Variants in HHLA2 observed in about 807,000 individuals in gnomAD.
HHLA2 encodes HERV-H LTR-associating protein 2.
HHLA2 carries 48 observed loss-of-function variants against 45.9 expected under a neutral mutation model. The observed-to-expected ratio is 1.05, with a 90% CI of 0.83 to 1.33. The LOEUF (loss-of-function observed/expected upper bound fraction) is 1.33. Among genes scored for constraint, HHLA2 ranks in the 40% most tolerant of loss-of-function variants. The probability of loss-of-function intolerance (pLI) is 0.00; values close to 1 mark genes in which losing one functional copy is unlikely to be tolerated. For synonymous variants in HHLA2, 161 were observed against 173.9 expected (o/e 0.93, Z 0.59); for missense variants, 462 against 494.3 (o/e 0.93, Z 0.62).
chr3:108,335,771 C>T (rs1362687794), intron 3 of HHLA2, among the ~76,000 whole-genome samples: 1 of 152,100 alleles, frequency 6.6e-6, no homozygotes, highest in Non-Finnish European at 1.5e-5. Context: ...TTCTGATGAG[C>T]ATCCAGATAG....
chr3:108,355,473 G>A, intron 6 of HHLA2, 92 bp downstream of exon 5: 1 of 1,426,240 alleles, frequency 7.0e-7, no homozygotes, highest in East Asian at 2.3e-5. Context: ...GAAGATGAAA[G>A]AAAAGAAAGC....
chr3:108,325,788 T>G (rs1221361448), intron 2 of HHLA2: 1 of 304,860 alleles, frequency 3.3e-6, no homozygotes, highest in African/African-American at 2.2e-5. Flanking sequence ...CCACAACCAT[T>G]GAAGTTTCCT....
Position 108,358,041 on chromosome 3 carries a change from AT to A in HHLA2, c.884del (p.Ile295LysfsTer8), listed in dbSNP as rs777803221. The A allele has an allele frequency of 4.3e-6, 7 of 1,613,680 alleles. No homozygotes were observed. The highest frequency in any genetic ancestry group is 5.1e-6 in the Non-Finnish European group (6 of 1,179,708). On this transcript the variant is annotated frameshift_variant, in exon 7 of 11. Coordinates refer to ENST00000619531, the Ensembl canonical transcript of HHLA2. LOFTEE classifies it high-confidence loss of function. ...CCGATTCTCATGGAACAAAGAGCTG[AT>A]AAACCAGAGTGACTTCTCTATGAAT...
chr3:108,370,479 ATGACTT>A (rs2082150562), intron 8 of HHLA2, among the ~76,000 whole-genome samples: 1 of 152,232 alleles, frequency 6.6e-6, no homozygotes, highest in African/African-American at 2.4e-5. Flanking sequence ...TGGACGGAGA[ATGACTT>A]TGACGAGTTG....
At chr3:108,343,463 T>G (rs527399979) in intron 3 of HHLA2, among the ~76,000 whole-genome samples, 76 of 152,210 alleles carry the variant, frequency 5.0e-4, no homozygotes, top group Non-Finnish European at 7.8e-4. Flanking sequence ...TGAGGACTGA[T>G]AGCCACTAAT....
At chr3:108,362,725 C>A (rs758339381) in intron 8 of HHLA2, among the ~76,000 whole-genome samples, 1 of 152,138 alleles carries the variant, frequency 6.6e-6, no homozygotes, top group Non-Finnish European at 1.5e-5. Flanking sequence ...AGGTTTCCTA[C>A]TATTTTCAAT....
chr3:108,321,290 C>T (rs974936825), intron 2 of HHLA2, among the ~76,000 whole-genome samples: 3 of 152,066 alleles, frequency 2.0e-5, no homozygotes, highest in South Asian at 4.2e-4. Flanking sequence ...ATCACGTTGT[C>T]GTCTTTATTG....
intron 2 of HHLA2, among the ~76,000 whole-genome samples, chr3:108,317,576 C>CCTTTTTT (rs778903008): frequency 8.2e-6 from 1 of 122,614 alleles, no homozygotes. Context: ...GAGATTACTT[C>CCTTTTTT]TTTTTTTTTT....
intron 1 of HHLA2, among the ~76,000 whole-genome samples, chr3:108,297,723 G>A (rs552272433): frequency 4.3e-4 from 66 of 152,242 alleles, no homozygotes; most frequent in African/African-American, 1.4e-3. Flanking sequence ...TACTTTTGGC[G>A]TGTGGCCCAC....
At chr3:108,357,482 C>A (rs2399230) in intron 6 of HHLA2, among the ~76,000 whole-genome samples, 152,097 of 152,268 alleles carry the variant, frequency 1, 75,963 homozygotes, top group Middle Eastern at 1. Flanking sequence ...GTTCTGGGGA[C>A]CACCAGCATT....
chr3:108,347,403 C>T (rs1020940462), intron 3 of HHLA2, among the ~76,000 whole-genome samples: 1 of 152,122 alleles, frequency 6.6e-6, no homozygotes, highest in Non-Finnish European at 1.5e-5. Context: ...AATTGGAGCA[C>T]TTGTGTTCAC....
intron 8 of HHLA2, among the ~76,000 whole-genome samples, chr3:108,366,997 C>G (rs780668567): frequency 6.6e-6 from 1 of 152,204 alleles, no homozygotes; most frequent in African/African-American, 2.4e-5. Flanking sequence ...GACAAAGCCT[C>G]CAGAGGAAGG....
intron 2 of HHLA2, among the ~76,000 whole-genome samples, chr3:108,312,160 C>G (rs1291045539): frequency 1.3e-5 from 2 of 152,206 alleles, no homozygotes; most frequent in African/African-American, 2.4e-5. Context: ...CTAATCCCCC[C>G]AGACGGTCCA....
exon 11 of HHLA2, chr3:108,377,347 C>A: frequency 8.5e-7 from 1 of 1,178,304 alleles, no homozygotes; most frequent in Non-Finnish European, 1.3e-6. Context: ...TCTCCCCTTT[C>A]TTCACCACAA....
At chr3:108,360,839 G>A (rs543998240) in intron 7 of HHLA2, among the ~76,000 whole-genome samples, 6 of 152,188 alleles carry the variant, frequency 3.9e-5, no homozygotes, top group South Asian at 2.1e-4. Context: ...GGACTCCTGC[G>A]TGGAATTTCA....
intron 1 of HHLA2, among the ~76,000 whole-genome samples, chr3:108,306,324 A>C (rs1306656300): frequency 6.6e-6 from 1 of 152,136 alleles, no homozygotes; most frequent in Non-Finnish European, 1.5e-5. Flanking sequence ...TATCTGTTTT[A>C]ATATTGTTAG....
At chr3:108,358,939 A>G (rs999430258) in intron 7 of HHLA2, among the ~76,000 whole-genome samples, 2 of 152,224 alleles carry the variant, frequency 1.3e-5, no homozygotes, top group African/African-American at 2.4e-5. Flanking sequence ...ATTTGGAGAC[A>G]AGAGCACAGA....
At chr3:108,368,899 C>T (rs532335947) in intron 8 of HHLA2, among the ~76,000 whole-genome samples, 1 of 152,308 alleles carries the variant, frequency 6.6e-6, no homozygotes. Context: ...CTACAGAACT[C>T]TCCACCCCAA....
chr3:108,335,871 A>G (rs1460337959), intron 3 of HHLA2, among the ~76,000 whole-genome samples: 1 of 152,072 alleles, frequency 6.6e-6, no homozygotes, highest in Non-Finnish European at 1.5e-5. Context: ...AGACCATGCT[A>G]ATACAGTAGC....
Sources: gnomAD v4.1 joint callset for allele counts (sites outside exome capture counted in the v4.1 genomes callset) on GRCh38, gnomAD v4.1.1 for gene constraint, MANE v1.5 for transcripts, NCBI Gene and HGNC (gene_info 2026-07-23, HGNC 2026-07-21) for gene names.